PCDHB4: variants seen among roughly 807,000 people sequenced by gnomAD.
PCDHB4 encodes the protein protocadherin beta-4.
For missense variants in PCDHB4, 1,063 were observed against 1,007.0 expected (o/e 1.06, Z -0.75); for synonymous variants, 482 against 447.3 (o/e 1.08, Z -0.98).
In PCDHB4 at chr5:141,123,477, G is replaced by A. The variant is rs782180896; in HGVS notation, c.1479G>A (p.Gln493=). 1.5e-5 allele frequency: 24 copies of A among 1,613,162 alleles called. No homozygotes were observed. The South Asian group carries it at 1.9e-4, about 13-fold the overall frequency. ...TCACCTACTCGCTGCTGCCGCCCCA[G>A]GACCCGCACCTGCCCCTCGCCTCCC... ...AQVTYSLLPP[Q]DPHLPLASLV... The change falls in exon 1 of 1, where the codon CAG becomes CAA. Residue 493 remains glutamine (Q), a synonymous_variant. Coordinates refer to ENST00000194152, the MANE Select transcript of PCDHB4 (RefSeq NM_018938.4).
chr5:141,123,544 A>G lies in PCDHB4; in HGVS notation c.1546A>G (p.Arg516Gly). 6.2e-7 allele frequency: 1 copy of G among 1,613,164 alleles called. No individual in the cohort carries two copies. ...AGACAACGGCCACCTGTTCGCCCTC[A>G]GGTCGCTGGACTACGAGGCCCTGCA... ...NADNGHLFAL[R>G]SLDYEALQAF... The change falls in exon 1 of 1, where the codon AGG (arginine) becomes GGG (glycine). Residue 516 changes from arginine to glycine, a missense_variant. Physicochemically the swap from Arg to Gly is moderately radical, Grantham distance 125. Coordinates refer to ENST00000194152, the MANE Select transcript of PCDHB4 (RefSeq NM_018938.4).
chr5:141,122,626 A>G lies in PCDHB4; in HGVS notation c.628A>G (p.Thr210Ala). 3 of 1,614,150 alleles carry G rather than the reference A, an allele frequency of 1.9e-6. No homozygotes were observed. Among genetic ancestry groups the G allele is most frequent in the Non-Finnish European group, 2.5e-6 (3 of 1,180,024 alleles). The change falls in exon 1 of 1, where the codon ACC becomes GCC. Residue 210 changes from threonine to alanine, a missense_variant. Transcript: ENST00000194152. ...AGAGGAGCAGCCTGAGTTCAGCTTA[A>G]CCCTCGTGGCGCTGGATGGTGGGTC... ...DREEQPEFSLTLVALDGGSPP... is the reference protein window; with the variant it reads ...DREEQPEFSLALVALDGGSPP...
In PCDHB4 at chr5:141,123,615, T is replaced by C. The variant is rs782721248; in HGVS notation, c.1617T>C (p.Ala539=). 1.2e-6 allele frequency: 2 copies of C among 1,611,986 alleles called. No individual in the cohort carries two copies. The highest frequency in any genetic ancestry group is 1.1e-5 in the South Asian group (1 of 90,998). ...GCGCCTCAGACCGCGGTTCTCCGGC[T>C]TTGAGCAGCGAGGCGCTGGTGCGCG... The part of the protein sequence containing the change: ...RVGASDRGSP[A]LSSEALVRVL... Residue 539 remains alanine, a synonymous_variant, in exon 1 of 1, where the codon GCT becomes GCC. Coordinates refer to ENST00000194152, the MANE Select transcript of PCDHB4 (RefSeq NM_018938.4).
In PCDHB4 at chr5:141,124,221, C is replaced by A; in HGVS notation, c.2223C>A (p.Thr741=). Residue 741 remains threonine, a synonymous_variant, in exon 1 of 1, where the codon ACC becomes ACA. Transcript: ENST00000194152. ...FPGHLVDVSG[T]GTLSQSYQYE... ...GGCATCTGGTGGACGTAAGCGGCAC[C>A]GGGACCCTGTCCCAGAGCTACCAGT... 1.9e-6 allele frequency: 3 copies of A among 1,614,130 alleles called. No homozygotes were observed. Among genetic ancestry groups the A allele is most frequent in the Non-Finnish European group, 2.5e-6 (3 of 1,180,034 alleles).
chr5:141,123,592 G>T lies in PCDHB4; in HGVS notation c.1594G>T (p.Ala532Ser), dbSNP rs1449102129. 5.0e-6 allele frequency: 8 copies of T among 1,612,246 alleles called. No individual in the cohort carries two copies. Among genetic ancestry groups the T allele is most frequent in the African/African-American group, 1.3e-5 (1 of 74,890 alleles). ...ALQAFEFRVG[A>S]SDRGSPALSS... ...GCAGGCGTTCGAGTTCCGCGTGGGC[G>T]CCTCAGACCGCGGTTCTCCGGCTTT... Residue 532 changes from alanine (A) to serine (S), a missense_variant, in exon 1 of 1, where the codon GCC becomes TCC. Transcript: ENST00000194152.
rs781808436 is a variant in PCDHB4 at position 141,123,028 on chromosome 5, C to A, written c.1030C>A (p.Pro344Thr). The A allele has an allele frequency of 6.2e-7, 1 of 1,614,008 alleles. No homozygotes were observed. The highest frequency in any genetic ancestry group is 1.1e-5 in the South Asian group (1 of 91,042). ...GGTGGTGGATGTGAATGACAATCCC[C>A]CAGAACTTATCATATCTTCACTCAC... ...IEVVDVNDNP[P>T]ELIISSLTSS... is the part of the protein sequence containing the mutation. The change falls in exon 1 of 1, where the codon CCA becomes ACA. Residue 344 changes from proline to threonine, a missense_variant. Pro to Thr is a conservative substitution (Grantham distance 38). Coordinates refer to ENST00000194152, the MANE Select transcript of PCDHB4 (RefSeq NM_018938.4).
chr5:141,123,742 G>C lies in PCDHB4; in HGVS notation c.1744G>C (p.Gly582Arg). ...TELVPRAAEP[G>R]YLVTKVVAVD... The stretch of plus-strand genomic sequence containing the variant: ...GCTGGTGCCCCGGGCGGCCGAGCCG[G>C]GCTACCTGGTGACCAAGGTGGTGGC... Residue 582 changes from glycine to arginine, a missense_variant, in exon 1 of 1, where the codon GGC (glycine) becomes CGC (arginine). Gly to Arg is a moderately radical substitution (Grantham distance 125). Transcript: ENST00000194152. The C allele has an allele frequency of 6.2e-7, 1 of 1,610,444 alleles. No homozygotes were observed. Among genetic ancestry groups the C allele is most frequent in the Non-Finnish European group, 8.5e-7 (1 of 1,179,630 alleles).
Position 141,123,912 on chromosome 5 carries a change from G to C in PCDHB4, c.1914G>C (p.Arg638Ser), listed in dbSNP as rs782411738. 5.0e-6 allele frequency: 8 copies of C among 1,605,844 alleles called. No homozygotes were observed. The highest frequency in any genetic ancestry group is 6.8e-6 in the Non-Finnish European group (8 of 1,179,674). Residue 638 changes from arginine to serine, a missense_variant, in exon 1 of 1, where the codon AGG becomes AGC. Arg to Ser is a moderately radical substitution (Grantham distance 110). Transcript: ENST00000194152. ...LLSERDAAKHRLVVLVKDNGE... is the reference protein window; with the variant it reads ...LLSERDAAKHSLVVLVKDNGE... ...GCGAGCGCGACGCAGCCAAGCACAG[G>C]CTCGTGGTGCTTGTCAAGGACAATG...
Position 141,123,054 on chromosome 5 carries a change from C to T in PCDHB4, c.1056C>T (p.Thr352=), listed in dbSNP as rs1588316678. The part of the protein sequence containing the change: ...NPPELIISSL[T]SSIPENAPET... ...CAGAACTTATCATATCTTCACTCAC[C>T]AGCTCCATCCCAGAAAATGCTCCTG... The change falls in exon 1 of 1, where the codon ACC becomes ACT. Residue 352 remains threonine, a synonymous_variant. Transcript: ENST00000194152. The T allele has an allele frequency of 1.2e-6, 2 of 1,613,796 alleles. No homozygotes were observed. Among genetic ancestry groups the T allele is most frequent in the South Asian group, 2.2e-5 (2 of 90,992 alleles).
Position 141,122,950 on chromosome 5 carries a change from A to G in PCDHB4, c.952A>G (p.Ile318Val). 6.2e-7 allele frequency: 1 copy of G among 1,611,930 alleles called. No individual in the cohort carries two copies. The highest frequency in any genetic ancestry group is 1.7e-5 in the Admixed American group (1 of 59,434). Residue 318 changes from isoleucine (I) to valine (V), a missense_variant, in exon 1 of 1, where the codon ATT (isoleucine) becomes GTT (valine). Ile to Val is a conservative substitution (Grantham distance 29). Transcript: ENST00000194152. ...AAAAATTAAATCTTACCATGTAGAA[A>G]TTGAGGCCACAGATGGAGGAGGCCT... ...FEKIKSYHVE[I>V]EATDGGGLSG...
rs1752380486 is a variant in PCDHB4 at position 141,124,588 on chromosome 5, A to G, written c.*202A>G. The G allele has an allele frequency of 2.1e-6, 1 of 470,156 alleles. No homozygotes were observed. Among genetic ancestry groups the G allele is most frequent in the South Asian group, 5.0e-5 (1 of 19,860 alleles). The allele number at this position is 470,156 out of a possible 1,614,324, so 29.1% of individuals were successfully genotyped here. A position where few individuals can be genotyped will look rare whatever the true frequency, so the allele number is the denominator to read the frequency against. On this transcript the variant is annotated 3_prime_UTR_variant, in exon 1 of 1. Transcript: ENST00000194152. ...TTTTTAGTTATACTGGATATTGAGT[A>G]TGGATTTTCTCTATATTTGATCTAT...
chr5:141,123,426 C>CA lies in PCDHB4; in HGVS notation c.1429dup (p.Arg477LysfsTer198). The CA allele has an allele frequency of 1.2e-6, 2 of 1,613,282 alleles. No homozygotes were observed. The highest frequency in any genetic ancestry group is 1.7e-6 in the Non-Finnish European group (2 of 1,180,044). On this transcript the variant is annotated frameshift_variant, in exon 1 of 1. Transcript: ENST00000194152. LOFTEE classifies it low-confidence loss of function (END_TRUNC). ...ACATCGGCAGTGTCAGCGCCACAGACAGAGACTCGGGCACCAACGCCCAGG... is the reference window on the plus strand; with the variant it reads ...ACATCGGCAGTGTCAGCGCCACAGACAAGAGACTCGGGCACCAACGCCCAGG...
In PCDHB4 at chr5:141,124,272, T is replaced by C; in HGVS notation, c.2274T>C (p.Ser758=). The C allele has an allele frequency of 1.9e-6, 3 of 1,614,190 alleles. No homozygotes were observed. The highest frequency in any genetic ancestry group is 1.1e-5 in the South Asian group (1 of 91,072). The change falls in exon 1 of 1, where the codon TCT becomes TCC. Residue 758 remains serine (S), a synonymous_variant. Coordinates refer to ENST00000194152, the MANE Select transcript of PCDHB4 (RefSeq NM_018938.4). The part of the protein sequence containing the change: ...YQYEVCLTGD[S]GTGEFKFLKP... ...ACGAGGTGTGTCTGACAGGAGACTCTGGGACTGGTGAGTTCAAGTTCCTGA... is the reference window on the plus strand; with the variant it reads ...ACGAGGTGTGTCTGACAGGAGACTCCGGGACTGGTGAGTTCAAGTTCCTGA...
rs150419316 is a variant in PCDHB4, at chr5:141,122,333, C to T, written c.335C>T (p.Pro112Leu). The change falls in exon 1 of 1, where the codon CCG becomes CTG. Residue 112 changes from proline to leucine, a missense_variant. Pro to Leu is a moderately conservative substitution (Grantham distance 98). Transcript: ENST00000194152. ...VLHFQVFLEM[P>L]VQFFQGELLI... ...CATTTCCAAGTGTTCCTGGAAATGC[C>T]GGTGCAATTTTTTCAAGGAGAATTA... 7.4e-6 allele frequency: 12 copies of T among 1,613,808 alleles called. No individual in the cohort carries two copies. The highest frequency in any genetic ancestry group is 1.0e-5 in the Non-Finnish European group (12 of 1,180,002).
At position 141,122,701 on chromosome 5, in the gene PCDHB4, A is replaced by G. The variant is rs782482360; in HGVS notation, c.703A>G (p.Asn235Asp). The G allele has an allele frequency of 9.3e-6, 15 of 1,614,058 alleles. No individual in the cohort carries two copies. In the African/African-American group the frequency reaches 1.6e-4, roughly 17 times the overall value. ...VMVRILIMDINDNAPEFVHTP... is the reference protein window; with the variant it reads ...VMVRILIMDIDDNAPEFVHTP... Reference sequence around the variant, plus strand: ...GGTTCGAATCCTGATCATGGACATCAATGACAATGCTCCTGAGTTTGTGCA... The same window carrying G: ...GGTTCGAATCCTGATCATGGACATCGATGACAATGCTCCTGAGTTTGTGCA... The change falls in exon 1 of 1, where the codon AAT becomes GAT. Residue 235 changes from asparagine to aspartate, a missense_variant. Physicochemically the swap from Asn to Asp is conservative, Grantham distance 23. Transcript: ENST00000194152.
rs782166685 is a variant in PCDHB4, at chr5:141,123,489, G to T, written c.1491G>T (p.Leu497=). 6.2e-7 allele frequency: 1 copy of T among 1,613,278 alleles called. No individual in the cohort carries two copies. Among genetic ancestry groups the T allele is most frequent in the South Asian group, 1.1e-5 (1 of 91,036 alleles). ...YSLLPPQDPH[L]PLASLVSINA... is the part of the protein sequence containing the mutation. ...TGCTGCCGCCCCAGGACCCGCACCT[G>T]CCCCTCGCCTCCCTGGTCTCCATCA... The change falls in exon 1 of 1, where the codon CTG becomes CTT. Residue 497 remains leucine (L), a synonymous_variant. Coordinates refer to ENST00000194152, the MANE Select transcript of PCDHB4 (RefSeq NM_018938.4).
chr5:141,122,669 C>T lies in PCDHB4; in HGVS notation c.671C>T (p.Thr224Met), dbSNP rs371060592. ...GGTGGGTCACCACCTAGGTCTGGCA[C>T]GGTCATGGTTCGAATCCTGATCATG... ...LDGGSPPRSG[T>M]VMVRILIMDI... Residue 224 changes from threonine (T) to methionine (M), a missense_variant, in exon 1 of 1, where the codon ACG becomes ATG. By Grantham distance (81) the Thr-to-Met change is moderately conservative (BLOSUM62 -1). Transcript: ENST00000194152. 9.3e-6 allele frequency: 15 copies of T among 1,614,062 alleles called. No individual in the cohort carries two copies. The African/African-American group carries it at 1.2e-4, about 13-fold the overall frequency.
At position 141,122,185 on chromosome 5, in the gene PCDHB4, G is replaced by T; in HGVS notation, c.187G>T (p.Ala63Ser). 6.2e-7 allele frequency: 1 copy of T among 1,614,230 alleles called. No individual in the cohort carries two copies. The highest frequency in any genetic ancestry group is 8.5e-7 in the Non-Finnish European group (1 of 1,180,054). ...LGIGELASRS[A>S]RVLSDDDKQR... is the part of the protein sequence containing the mutation. The stretch of plus-strand genomic sequence containing the variant: ...AATTGGGGAACTGGCCTCCCGGTCA[G>T]CCCGGGTGCTGTCTGACGATGACAA... The change falls in exon 1 of 1, where the codon GCC (alanine) becomes TCC (serine). Residue 63 changes from alanine (A) to serine (S), a missense_variant. Physicochemically the swap from Ala to Ser is moderately conservative, Grantham distance 99. Coordinates refer to ENST00000194152, the MANE Select transcript of PCDHB4 (RefSeq NM_018938.4).
Position 141,122,286 on chromosome 5 carries a change from T to A in PCDHB4, c.288T>A (p.Gly96=). Reference sequence around the variant, plus strand: ...AACTAGACCGGGAAGAGCTCTGTGGTCCTATTGAACCGTGTGTACTGCATT... The same window carrying A: ...AACTAGACCGGGAAGAGCTCTGTGGACCTATTGAACCGTGTGTACTGCATT... The part of the protein sequence containing the change: ...REKLDREELC[G]PIEPCVLHFQ... Residue 96 remains glycine, a synonymous_variant, in exon 1 of 1, where the codon GGT becomes GGA. Coordinates refer to ENST00000194152, the MANE Select transcript of PCDHB4 (RefSeq NM_018938.4). The A allele has an allele frequency of 6.2e-7, 1 of 1,613,976 alleles. No individual in the cohort carries two copies. The highest frequency in any genetic ancestry group is 1.7e-5 in the Admixed American group (1 of 60,022).
Sources: allele counts gnomAD v4.1 joint callset, GRCh38; gene constraint gnomAD v4.1.1; transcripts MANE v1.5; gene names NCBI Gene and HGNC (gene_info 2026-07-23, HGNC 2026-07-21).